The following CCM2 variants were observed in gnomAD, a reference collection of about 807,000 sequenced individuals.
CCM2 encodes CCM2 scaffold protein, also known as cerebral cavernous malformations 2 protein.
CCM2 carries 25 observed loss-of-function variants against 44.9 expected under a neutral mutation model. The ratio of observed to expected loss-of-function variants is 0.56; its 90% CI spans 0.41 to 0.78. The LOEUF is 0.78. Ranked by LOEUF, CCM2 falls within the 30% of genes least tolerant of loss-of-function variation. The pLI is 0.00. For synonymous variants in CCM2, 219 were observed against 241.1 expected, an observed-to-expected ratio of 0.91 and a Z score of 0.85; for missense variants, 481 against 580.6, an observed-to-expected ratio of 0.83 and a Z score of 1.76.
At chr7:45,046,191 T>C (rs551026676) in intron 2 of CCM2, among the ~76,000 whole-genome samples, 3 of 152,254 alleles carry the variant, frequency 2.0e-5, no homozygotes, top group Non-Finnish European at 4.4e-5. Context: ...GCAAGAATTT[T>C]TTGTAGATAT....
intron 1 of CCM2, among the ~76,000 whole-genome samples, chr7:45,010,481 A>G (rs1010704481): frequency 6.6e-6 from 1 of 152,010 alleles, no homozygotes; most frequent in African/African-American, 2.4e-5. Context: ...AATGTTTTTG[A>G]GATTTATCCA....
At chr7:45,054,663 C>T (rs889170925) in intron 2 of CCM2, among the ~76,000 whole-genome samples, 4 of 152,182 alleles carry the variant, frequency 2.6e-5, no homozygotes, top group Non-Finnish European at 5.9e-5. Context: ...CTGGCCATAC[C>T]GTCTTCTTTC....
chr7:45,011,750 A>G (rs903578013), intron 1 of CCM2, among the ~76,000 whole-genome samples: 1 of 151,930 alleles, frequency 6.6e-6, no homozygotes, highest in East Asian at 1.9e-4. Context: ...TGAGGTTTCA[A>G]TATGTTGGCC....
intron 1 of CCM2, among the ~76,000 whole-genome samples, chr7:45,006,638 C>T (rs2128711727): frequency 6.6e-6 from 1 of 152,176 alleles, no homozygotes; most frequent in Non-Finnish European, 1.5e-5. Context: ...GCCACCATGC[C>T]TGGCCTGAAG....
intron 2 of CCM2, among the ~76,000 whole-genome samples, chr7:45,040,713 A>C (rs980250951): frequency 6.6e-6 from 1 of 151,704 alleles, no homozygotes; most frequent in Non-Finnish European, 1.5e-5. Context: ...GAGGCCGGGC[A>C]TGGTGGCTCA....
At chr7:45,012,102 A>G (rs1023567939) in intron 1 of CCM2, among the ~76,000 whole-genome samples, 6 of 148,790 alleles carry the variant, frequency 4.0e-5, no homozygotes, top group African/African-American at 1.2e-4. Flanking sequence ...TCTGTTGTTA[A>G]GTACATACAC....
At chr7:45,035,559 A>G (rs1020202522) in intron 1 of CCM2, among the ~76,000 whole-genome samples, 11 of 152,170 alleles carry the variant, frequency 7.2e-5, no homozygotes. Context: ...CTCCAGGTCA[A>G]TGGGGAACCA....
chr7:45,053,014 G>T (rs556592795), intron 2 of CCM2, among the ~76,000 whole-genome samples: 16 of 152,326 alleles, frequency 1.1e-4, no homozygotes, highest in Non-Finnish European at 2.4e-4. Flanking sequence ...AGGGAAGTGG[G>T]CAGATGGCCA....
intron 1 of CCM2, among the ~76,000 whole-genome samples, chr7:45,018,730 C>T (rs1252147952): frequency 2.0e-5 from 3 of 151,392 alleles, no homozygotes; most frequent in African/African-American, 7.3e-5. Flanking sequence ...TTTTGTTGTA[C>T]TGAATGTCTT....
intron 1 of CCM2, among the ~76,000 whole-genome samples, chr7:45,018,483 G>C (rs1210498978): frequency 6.6e-6 from 1 of 151,544 alleles, no homozygotes; most frequent in African/African-American, 2.4e-5. Flanking sequence ...TAGCCTCCTG[G>C]GTAGCTGTGA....
chr7:45,063,826 T>C, intron 2 of CCM2, 92 bp from the exon 3 acceptor site: 1 of 885,820 alleles, frequency 1.1e-6, no homozygotes, highest in Non-Finnish European at 1.9e-6. Context: ...GGCCTGAGTA[T>C]GAAGCACTTG....
At chr7:45,033,874 G>A (rs1354593447) in intron 1 of CCM2, among the ~76,000 whole-genome samples, 1 of 152,188 alleles carries the variant, frequency 6.6e-6, no homozygotes, top group Non-Finnish European at 1.5e-5. Flanking sequence ...TGTGTTTTTA[G>A]TGAGGCTAGA....
intron 1 of CCM2, among the ~76,000 whole-genome samples, chr7:45,016,591 A>T (rs2128716675): frequency 1.3e-5 from 2 of 149,880 alleles, no homozygotes; most frequent in South Asian, 2.1e-4. Flanking sequence ...CAGCCTCCCA[A>T]AGTGCTGGAT....
rs1274174790 is a variant in CCM2 at position 45,000,265 on chromosome 7, A to T, written c.-69A>T. 3.0e-6 allele frequency: 3 copies of T among 1,008,746 alleles called. No individual in the cohort carries two copies. The highest frequency in any genetic ancestry group is 1.2e-6 in the Non-Finnish European group (1 of 820,110). The allele number at this position is 1,008,746 out of a possible 1,614,324, so 62.5% of individuals were successfully genotyped here. A position where few individuals can be genotyped will look rare whatever the true frequency, so the allele number is the denominator to read the frequency against. On this transcript the variant is annotated 5_prime_UTR_variant, in exon 1 of 10. The change abolishes an upstream ATG in the 5' untranslated region. Coordinates refer to ENST00000258781, the MANE Select transcript of CCM2 (RefSeq NM_031443.4). ...CGGGGGCGGCGGGCCCGGGTCGAGC[A>T]TGTAGCGGCTGCTGGCGGCGGGGCT...
chr7:45,041,185 T>G (rs968338768), intron 2 of CCM2, among the ~76,000 whole-genome samples: 1 of 152,120 alleles, frequency 6.6e-6, no homozygotes, highest in Non-Finnish European at 1.5e-5. Flanking sequence ...GGTAGAATAA[T>G]GTATTGAGAA....
At chr7:45,038,799 C>G (rs1797346947) in intron 2 of CCM2, among the ~76,000 whole-genome samples, 1 of 151,872 alleles carries the variant, frequency 6.6e-6, no homozygotes, top group East Asian at 1.9e-4. Context: ...GCAGGTCTAA[C>G]AGTCACCGCC....
At chr7:45,022,186 A>G (rs1002773108) in intron 1 of CCM2, among the ~76,000 whole-genome samples, 6 of 151,918 alleles carry the variant, frequency 3.9e-5, no homozygotes, top group Admixed American at 6.6e-5. Context: ...ATGTGAAGCA[A>G]TGAGAACAAA....
intron 1 of CCM2, among the ~76,000 whole-genome samples, chr7:45,032,843 C>T (rs1276063295): frequency 1.3e-5 from 2 of 151,920 alleles, no homozygotes; most frequent in Non-Finnish European, 2.9e-5. Flanking sequence ...GAGTTTGAGA[C>T]CAGCCTGGCC....
chr7:45,059,235 G>C (rs1027598605), intron 2 of CCM2, among the ~76,000 whole-genome samples: 1 of 152,056 alleles, frequency 6.6e-6, no homozygotes, highest in Non-Finnish European at 1.5e-5. Context: ...AATCCTGCCT[G>C]GTCGTGGTGT....
Sources: gnomAD v4.1 joint callset for allele counts (sites outside exome capture counted in the v4.1 genomes callset) on GRCh38, gnomAD v4.1.1 for gene constraint, MANE v1.5 for transcripts, NCBI Gene and HGNC (gene_info 2026-07-23, HGNC 2026-07-21) for gene names.